MGA: variants seen among roughly 807,000 people sequenced by gnomAD.
MGA encodes the protein MAX dimerization protein MGA.
MGA carries 40 observed loss-of-function variants against 261.1 expected under a neutral mutation model. The observed-to-expected ratio is 0.15, with a 90% CI of 0.12 to 0.20. MGA has a LOEUF of 0.20. Among genes scored for constraint, MGA ranks in the 10% least tolerant of loss-of-function variants. The pLI, the probability that MGA is intolerant of heterozygous loss-of-function variation, is 1.00. For missense variants in MGA, 3,397 were observed against 3,630.5 expected (o/e 0.94, Z 1.65); for synonymous variants, 1,302 against 1,290.6 (o/e 1.01, Z -0.19).
chr15:41,645,327 C>A (rs542572961), intron 1 of MGA, among the ~76,000 whole-genome samples: 1 of 152,236 alleles, frequency 6.6e-6, no homozygotes, highest in Admixed American at 6.5e-5. Context: ...CGGTGGCTCA[C>A]GCCTGTAATC....
intron 18 of MGA, 128 bp from the exon 19 acceptor site, chr15:41,757,660 T>C (rs1249238977): frequency 1.8e-6 from 1 of 568,738 alleles, no homozygotes; most frequent in South Asian, 3.1e-5. Flanking sequence ...AAGTAAATAA[T>C]GTGGCCATAT....
rs756631206 is a variant in MGA, at chr15:41,766,471, T to C, written c.8389T>C (p.Ser2797Pro). Residue 2797 changes from serine (S) to proline (P), a missense_variant, in exon 24 of 24, where the codon TCA becomes CCA. This residue lies in a region of MGA where 647 missense variants were observed against 642.4 expected (regional missense o/e 1.01). Transcript: ENST00000219905. Reference sequence around the variant, plus strand: ...AGAGATGGAACTGAGGAAAGTAACATCAGCTATAGAGGAAGCAGCTCTTGA... The same window carrying C: ...AGAGATGGAACTGAGGAAAGTAACACCAGCTATAGAGGAAGCAGCTCTTGA... The C allele has an allele frequency of 4.3e-6, 7 of 1,613,964 alleles. No homozygotes were observed. The highest frequency in any genetic ancestry group is 5.9e-6 in the Non-Finnish European group (7 of 1,179,888).
chr15:41,747,883 A>G (rs544339758), intron 15 of MGA, among the ~76,000 whole-genome samples: 7 of 152,332 alleles, frequency 4.6e-5, no homozygotes, highest in African/African-American at 1.2e-4. Flanking sequence ...GTTCTCAGCC[A>G]TAAATAGTGT....
At chr15:41,648,267 A>G (rs2056973586) in intron 1 of MGA, among the ~76,000 whole-genome samples, 1 of 152,212 alleles carries the variant, frequency 6.6e-6, no homozygotes, top group Admixed American at 6.5e-5. Flanking sequence ...GTCTGGGTTC[A>G]AGTTTTGACT....
intron 11 of MGA, among the ~76,000 whole-genome samples, chr15:41,729,787 A>G (rs949480801): frequency 5.3e-5 from 8 of 152,178 alleles, no homozygotes; most frequent in Non-Finnish European, 7.4e-5. Flanking sequence ...GTGAGCTGCT[A>G]TCATGCCACT....
At chr15:41,709,032 A>G (rs2060252746) in intron 7 of MGA, among the ~76,000 whole-genome samples, 1 of 152,042 alleles carries the variant, frequency 6.6e-6, no homozygotes, top group African/African-American at 2.4e-5. Context: ...TCTGTACTTA[A>G]TTTTTTTGTT....
intron 2 of MGA, among the ~76,000 whole-genome samples, chr15:41,686,752 C>G (rs1258834816): frequency 6.6e-6 from 1 of 151,756 alleles, no homozygotes; most frequent in East Asian, 1.9e-4. Context: ...GTTTTTTCTC[C>G]TTTATTTTGT....
At chr15:41,745,604 A>G (rs975484033) in intron 15 of MGA, among the ~76,000 whole-genome samples, 1 of 151,944 alleles carries the variant, frequency 6.6e-6, no homozygotes, top group East Asian at 1.9e-4. Context: ...AAAAATATAT[A>G]TCTATATATA....
intron 14 of MGA, among the ~76,000 whole-genome samples, chr15:41,740,408 G>A (rs1480381808): frequency 2.0e-5 from 3 of 152,036 alleles, no homozygotes; most frequent in Non-Finnish European, 4.4e-5. Flanking sequence ...TTGTTTTATA[G>A]TTAATTTCTT....
chr15:41,686,600 T>C (rs1229942358), intron 2 of MGA, among the ~76,000 whole-genome samples: 1 of 152,214 alleles, frequency 6.6e-6, no homozygotes, highest in East Asian at 1.9e-4. Context: ...GTATTTTTTA[T>C]AGCATGTTGG....
chr15:41,742,137 A>G (rs906174595), intron 14 of MGA, among the ~76,000 whole-genome samples: 22 of 151,584 alleles, frequency 1.5e-4, no homozygotes, highest in Admixed American at 6.6e-5. Context: ...CTGTAATCCT[A>G]GCACTTTGGG....
At chr15:41,658,945 C>T (rs2057270405), upstream of MGA, among the ~76,000 whole-genome samples, 4 of 152,094 alleles carry the variant, frequency 2.6e-5, no homozygotes, top group South Asian at 8.3e-4. Context: ...TTACTTCTTC[C>T]CCAGAAAATG....
At chr15:41,729,508 G>A (rs943283747) in intron 11 of MGA, among the ~76,000 whole-genome samples, 159 bp downstream of exon 11, 8 of 152,016 alleles carry the variant, frequency 5.3e-5, no homozygotes, top group Non-Finnish European at 1.0e-4. Context: ...TGTATGATAC[G>A]TCCCTTATGG....
rs1329120859 is a variant in MGA, at chr15:41,742,931, T to C, written c.4971T>C (p.Thr1657=). 8 of 1,613,926 alleles carry C rather than the reference T, an allele frequency of 5.0e-6. No homozygotes were observed. Among genetic ancestry groups the C allele is most frequent in the Non-Finnish European group, 6.8e-6 (8 of 1,179,910 alleles). ...TAACATCTACCCAGTCTACAGCCAC[T>C]GTGAACCTTACCAAAACCACTGGGA... The change falls in exon 15 of 24, where the codon ACT becomes ACC. Residue 1657 remains threonine (T), a synonymous_variant. Transcript: ENST00000219905.
Position 41,669,454 on chromosome 15 carries a change from A to G in MGA, c.560A>G (p.Asp187Gly). Residue 187 changes from aspartate (D) to glycine (G), a missense_variant, in exon 2 of 24, where the codon GAC (aspartate) becomes GGC (glycine). Physicochemically the swap from Asp to Gly is moderately conservative, Grantham distance 94. Around this residue, in one of 9 missense-constraint regions of MGA, gnomAD observed 104 missense variants for 212.9 expected, o/e 0.49. Coordinates refer to ENST00000219905, the MANE Select transcript of MGA (RefSeq NM_001164273.2). ...CTCAAACTTACCAACAATACACTGG[A>G]CCAAGAAGGGCATATCATCTTGCAC... The G allele has an allele frequency of 6.2e-7, 1 of 1,613,958 alleles. No individual in the cohort carries two copies.
rs746632796 is a variant in MGA at position 41,749,974 on chromosome 15, C to G, written c.6367C>G (p.Pro2123Ala). 5.0e-6 allele frequency: 8 copies of G among 1,612,326 alleles called. No homozygotes were observed. Among genetic ancestry groups the G allele is most frequent in the Non-Finnish European group, 5.9e-6 (7 of 1,179,522 alleles). ...GGAACAGCAGAAAGGATTTGACAAT[C>G]CAGAAGAAAACTCAAGTGAATTTCC... is the stretch of plus-strand genomic sequence containing the variant. Residue 2123 changes from proline to alanine, a missense_variant, in exon 17 of 24, where the codon CCA (proline) becomes GCA (alanine). Transcript: ENST00000219905.
Position 41,750,548 on chromosome 15 carries a change from A to T in MGA, c.6941A>T (p.Asp2314Val), listed in dbSNP as rs376088931. 6.2e-7 allele frequency: 1 copy of T among 1,612,498 alleles called. No individual in the cohort carries two copies. The highest frequency in any genetic ancestry group is 8.5e-7 in the Non-Finnish European group (1 of 1,179,194). ...GAAGATGATAATGAGAAAACTGATG[A>T]TTCTATTGATGAAATTGTGGATGTT... Residue 2314 changes from aspartate (D) to valine (V), a missense_variant, in exon 17 of 24, where the codon GAT (aspartate) becomes GTT (valine). Physicochemically the swap from Asp to Val is radical, Grantham distance 152. Coordinates refer to ENST00000219905, the MANE Select transcript of MGA (RefSeq NM_001164273.2).
chr15:41,741,132 A>T (rs1488280947), intron 14 of MGA, among the ~76,000 whole-genome samples: 1 of 152,058 alleles, frequency 6.6e-6, no homozygotes, highest in Non-Finnish European at 1.5e-5. Flanking sequence ...GTGGATCACG[A>T]GGTCAAGAGA....
At chr15:41,670,663 G>A (rs954906258) in intron 2 of MGA, among the ~76,000 whole-genome samples, 2 of 152,004 alleles carry the variant, frequency 1.3e-5, no homozygotes, top group Non-Finnish European at 2.9e-5. Flanking sequence ...CCGTCACCAC[G>A]CCCGGCTAAT....
Sources: allele counts gnomAD v4.1 joint callset (sites outside exome capture counted in the v4.1 genomes callset), GRCh38; gene constraint gnomAD v4.1.1; regional missense constraint gnomAD v4.1.1; transcripts MANE v1.5; gene names NCBI Gene and HGNC (gene_info 2026-07-23, HGNC 2026-07-21).